CAST: variants seen among roughly 807,000 people sequenced by gnomAD.
CAST encodes calpastatin.
A neutral mutation model predicts 119.6 loss-of-function variants in CAST; 76 were observed. The ratio of observed to expected loss-of-function variants is 0.64; its 90% CI spans 0.53 to 0.77. The LOEUF (loss-of-function observed/expected upper bound fraction) is 0.77. Ranked by LOEUF, CAST falls within the 30% of genes least tolerant of loss-of-function variation. The probability of loss-of-function intolerance (pLI) is 0.00; values close to 1 mark genes in which losing one functional copy is unlikely to be tolerated. For missense variants in CAST, 953 were observed against 946.5 expected (o/e 1.01, Z -0.09); for synonymous variants, 319 against 331.6 (o/e 0.96, Z 0.41).
At chr5:96,002,617 G>T in the CAST span, among the ~76,000 whole-genome samples, 2 of 152,158 alleles carry the variant, frequency 1.3e-5, no homozygotes, top group African/African-American at 2.4e-5. Flanking sequence ...CCTGGGGACT[G>T]TCTTAGCTCC....
the CAST span, among the ~76,000 whole-genome samples, chr5:96,251,950 T>C: frequency 2.0e-5 from 3 of 152,190 alleles, no homozygotes; most frequent in Non-Finnish European, 4.4e-5. Context: ...TCAGTTAGAA[T>C]TGAAATCCTG....
chr5:96,121,860 C>T, the CAST span, among the ~76,000 whole-genome samples: 2 of 151,896 alleles, frequency 1.3e-5, no homozygotes, highest in Non-Finnish European at 2.9e-5. Flanking sequence ...TCTCCACCCA[C>T]CCCCTGCCCA....
At chr5:96,662,320 G>GCTCCCTCCCTCCCTCCCTCCCTCGCTCC (rs548216153), upstream of CAST, 1 of 809,704 alleles carries the variant, frequency 1.2e-6, no homozygotes, top group Non-Finnish European at 1.6e-6. Context: ...CGGGCCCTCC[G>GCTCCCTCCCTCCCTCCCTCCCTCGCTCC]CTCCCTCCCT....
intron 26 of CAST, 94 bp from the exon 27 acceptor site, chr5:96,765,959 A>C: frequency 1.3e-6 from 1 of 751,006 alleles, no homozygotes; most frequent in Non-Finnish European, 2.3e-6. Flanking sequence ...TGCCTCATGA[A>C]AGTACAACAA....
chr5:96,628,605 A>G (rs1747766593), intron 1 of CAST, among the ~76,000 whole-genome samples: 2 of 152,142 alleles, frequency 1.3e-5, no homozygotes, highest in Non-Finnish European at 2.9e-5. Flanking sequence ...TGTCTCTGCC[A>G]TTTGCTAGCT....
chr5:96,455,600 T>C, the CAST span, among the ~76,000 whole-genome samples: 2 of 152,238 alleles, frequency 1.3e-5, no homozygotes, highest in Non-Finnish European at 2.9e-5. Flanking sequence ...TGAGCATGTC[T>C]ACAGCCTTTC....
At chr5:96,303,867 G>A in the CAST span, among the ~76,000 whole-genome samples, 2 of 152,262 alleles carry the variant, frequency 1.3e-5, no homozygotes, top group Admixed American at 1.3e-4. Context: ...CATTTGGGTT[G>A]GTTCCAAGTC....
the CAST span, among the ~76,000 whole-genome samples, chr5:96,140,529 G>T: frequency 6.6e-6 from 1 of 152,166 alleles, no homozygotes; most frequent in Non-Finnish European, 1.5e-5. Context: ...TGAAAGCACG[G>T]TTTTTAGAGT....
chr5:96,610,227 C>T (rs1241856240), intron 1 of CAST, among the ~76,000 whole-genome samples: 2 of 152,190 alleles, frequency 1.3e-5, no homozygotes, highest in African/African-American at 4.8e-5. Flanking sequence ...GATTGTGAGG[C>T]CTCCACAGAC....
chr5:96,752,398 G>T (rs1318894554), intron 20 of CAST, among the ~76,000 whole-genome samples: 1 of 152,104 alleles, frequency 6.6e-6, no homozygotes, highest in Non-Finnish European at 1.5e-5. Context: ...ATTGTAGTGT[G>T]AGCAGGTGTC....
chr5:96,364,305 T>C, the CAST span, among the ~76,000 whole-genome samples: 1 of 152,198 alleles, frequency 6.6e-6, no homozygotes, highest in African/African-American at 2.4e-5. Flanking sequence ...TTTTTTGTTG[T>C]GTCTCTGCCA....
the CAST span, among the ~76,000 whole-genome samples, chr5:96,232,798 G>T: frequency 1.3e-5 from 2 of 151,984 alleles, no homozygotes; most frequent in Non-Finnish European, 2.9e-5. Context: ...AAGCCAATTG[G>T]AGAGCATACT....
At chr5:96,200,575 T>C in the CAST span, among the ~76,000 whole-genome samples, 3 of 152,136 alleles carry the variant, frequency 2.0e-5, no homozygotes, top group Non-Finnish European at 4.4e-5. Context: ...AGCTCTAAGG[T>C]ACTTTTTAGA....
chr5:96,106,837 A>G, the CAST span, among the ~76,000 whole-genome samples: 4 of 141,598 alleles, frequency 2.8e-5, no homozygotes, highest in Non-Finnish European at 6.2e-5. Flanking sequence ...AAAGTCTCCC[A>G]TTATTAATGT....
chr5:96,726,023 T>A (rs948313490), intron 4 of CAST, among the ~76,000 whole-genome samples: 1 of 152,130 alleles, frequency 6.6e-6, no homozygotes, highest in African/African-American at 2.4e-5. Flanking sequence ...CATGATAAAT[T>A]AAGAGGATAA....
the CAST span, among the ~76,000 whole-genome samples, chr5:96,026,796 T>C: frequency 6.6e-6 from 1 of 152,360 alleles, no homozygotes; most frequent in South Asian, 2.1e-4. Context: ...TTCTTGCTTC[T>C]CTTCATATAA....
In CAST at chr5:96,610,454, G is replaced by A. The variant is rs1055500575; in HGVS notation, c.61-65085G>A. On this transcript the variant is annotated intron_variant, in intron 1 of 11. Coordinates refer to the CAST transcript ENST00000505143. ...TCTCAATAGATACGAAAAGGCATTC[G>A]ATAAAATCCAACATCTTTTCATGAC... Among the ~76,000 whole-genome samples, 18 of 152,280 alleles carry A rather than the reference G, an allele frequency of 1.2e-4. No individual in the cohort carries two copies. The East Asian group carries it at 1.4e-3, about 11-fold the overall frequency.
intron 2 of CAST, among the ~76,000 whole-genome samples, chr5:96,693,541 G>A (rs1430815763): frequency 6.6e-6 from 1 of 152,216 alleles, no homozygotes; most frequent in Non-Finnish European, 1.5e-5. Flanking sequence ...AATAGCTGGA[G>A]TTTGGGACAG....
chr5:96,373,826 G>A, the CAST span, among the ~76,000 whole-genome samples: 43 of 151,876 alleles, frequency 2.8e-4, no homozygotes, highest in Admixed American at 9.8e-4. Context: ...GCTCACTGCA[G>A]CCTCGAGCTC....
Sources: allele counts gnomAD v4.1 joint callset (sites outside exome capture counted in the v4.1 genomes callset), GRCh38; gene constraint gnomAD v4.1.1; transcripts MANE v1.5; gene names NCBI Gene and HGNC (gene_info 2026-07-23, HGNC 2026-07-21).